Variants in PPP2R2B observed in about 807,000 individuals in gnomAD.
The protein encoded by PPP2R2B is serine/threonine-protein phosphatase 2A 55 kDa regulatory subunit B beta isoform.
Under a neutral mutation model 46.0 loss-of-function variants are expected in PPP2R2B, and 5 were observed. The ratio of observed to expected loss-of-function variants is 0.11; its 90% CI spans 0.06 to 0.23. The LOEUF (loss-of-function observed/expected upper bound fraction) is 0.23. PPP2R2B is among the 10% of genes least tolerant of loss of function. The pLI, the probability that PPP2R2B is intolerant of heterozygous loss-of-function variation, is 1.00. For missense variants in PPP2R2B, 367 were observed against 575.0 expected (o/e 0.64, Z 3.70); for synonymous variants, 215 against 206.7 (o/e 1.04, Z -0.34).
rs144019866 is a variant in PPP2R2B at position 146,752,010 on chromosome 5, A to G, written c.71-50868T>C. Among the ~76,000 whole-genome samples, 1,276 of 152,240 alleles carry G rather than the reference A, an allele frequency of 8.4e-3. 17 individuals are homozygous for G. The highest frequency in any genetic ancestry group is 0.051 in the Middle Eastern group (15 of 294). On this transcript the variant is annotated intron_variant, in intron 2 of 9. Coordinates refer to ENST00000394411, the MANE Select transcript of PPP2R2B (RefSeq NM_181675.4). ...TCATGTGAAACTGCAGGCCTTGGTTAGCACTGTGGCTTTTACCCTCAGTGT... is the reference window on the plus strand; with the variant it reads ...TCATGTGAAACTGCAGGCCTTGGTTGGCACTGTGGCTTTTACCCTCAGTGT...
chr5:146,865,525 G>T (rs766929837), intron 2 of PPP2R2B, among the ~76,000 whole-genome samples: 1 of 151,920 alleles, frequency 6.6e-6, no homozygotes. Flanking sequence ...GTTTTTTAAC[G>T]TATATATTCC....
chr5:147,055,341 T>C (rs1757030678), intron 1 of PPP2R2B, among the ~76,000 whole-genome samples: 1 of 152,240 alleles, frequency 6.6e-6, no homozygotes, highest in Non-Finnish European at 1.5e-5. Context: ...ATTTTTGTTT[T>C]CTTGACACTG....
chr5:146,970,049 T>C (rs1561547587), intron 1 of PPP2R2B, among the ~76,000 whole-genome samples: 1 of 152,242 alleles, frequency 6.6e-6, no homozygotes, highest in South Asian at 2.1e-4. Context: ...CTAAAGTTTC[T>C]GGGCCATTTA....
chr5:146,684,585 C>T (rs12659795), intron 5 of PPP2R2B, among the ~76,000 whole-genome samples: 15,617 of 152,232 alleles, frequency 0.1, 922 homozygotes, highest in East Asian at 0.17. Context: ...TGGCAATGCA[C>T]ATCCTGTATG....
chr5:146,781,513 C>T (rs977749684), intron 2 of PPP2R2B, among the ~76,000 whole-genome samples: 1 of 151,216 alleles, frequency 6.6e-6, no homozygotes, highest in African/African-American at 2.4e-5. Flanking sequence ...CTGTGGTGCT[C>T]AAGCAAGCAT....
At chr5:146,763,772 G>T (rs1163270592) in intron 2 of PPP2R2B, among the ~76,000 whole-genome samples, 2 of 152,160 alleles carry the variant, frequency 1.3e-5, no homozygotes, top group African/African-American at 2.4e-5. Context: ...TCTCAGGCTG[G>T]AATGCACTGG....
chr5:146,991,952 C>A (rs768761306), intron 1 of PPP2R2B, among the ~76,000 whole-genome samples: 1 of 152,096 alleles, frequency 6.6e-6, no homozygotes, highest in East Asian at 1.9e-4. Context: ...CTTGCCAAAG[C>A]AATCTACAGA....
intron 1 of PPP2R2B, among the ~76,000 whole-genome samples, chr5:147,031,913 C>A (rs1755805048): frequency 6.6e-6 from 1 of 152,102 alleles, no homozygotes; most frequent in African/African-American, 2.4e-5. Context: ...GATTAACAAG[C>A]TAAACTGAAG....
chr5:146,974,551 A>T (rs1332993921), intron 1 of PPP2R2B, among the ~76,000 whole-genome samples: 2 of 152,206 alleles, frequency 1.3e-5, no homozygotes, highest in Non-Finnish European at 2.9e-5. Flanking sequence ...CTTCACTGGA[A>T]GAGCTGAGGG....
At position 146,904,994 on chromosome 5, in the gene PPP2R2B, A is replaced by G. The variant is rs545769560; in HGVS notation, c.79+150671T>C. ...AACCTGATAAAAATGGGGGCAAAAT[A>G]TCTGAACAGAAATTTTACCAAAGGA... On this transcript the variant is annotated intron_variant, in intron 1 of 8. Coordinates refer to the PPP2R2B transcript ENST00000336640. Among the ~76,000 whole-genome samples, 7 of 152,386 alleles carry G rather than the reference A, an allele frequency of 4.6e-5. No individual in the cohort carries two copies. The South Asian group carries it at 1.2e-3, about 27-fold the overall frequency.
rs1269324592 is a variant in PPP2R2B at position 146,877,931 on chromosome 5, T to A, written c.70+71A>T. ...GAGTCTCCGCCACTACGCGCCCAGC[T>A]GCCCAGGAAGCACAGTGATCCGCAA... On this transcript the variant is annotated intron_variant, in intron 2 of 9. Coordinates refer to ENST00000394411, the MANE Select transcript of PPP2R2B (RefSeq NM_181675.4). 2.0e-5 allele frequency: 31 copies of A among 1,535,678 alleles called. No individual in the cohort carries two copies. The East Asian group carries it at 6.6e-4, about 33-fold the overall frequency.
At chr5:146,832,402 TTTTTTTG>T in intron 2 of PPP2R2B, among the ~76,000 whole-genome samples, 2 of 141,536 alleles carry the variant, frequency 1.4e-5, no homozygotes, top group Admixed American at 7.0e-5. Context: ...TTTTTTTTTT[TTTTTTTG>T]AGACAGAGTT....
intron 2 of PPP2R2B, among the ~76,000 whole-genome samples, chr5:146,803,218 A>T (rs755192920): frequency 5.9e-5 from 9 of 152,196 alleles, no homozygotes; most frequent in African/African-American, 7.2e-5. Context: ...TCAAATCCCC[A>T]GGCAATTTGT....
chr5:146,792,155 A>G (rs1330061584), intron 2 of PPP2R2B, among the ~76,000 whole-genome samples: 2 of 152,202 alleles, frequency 1.3e-5, no homozygotes, highest in African/African-American at 2.4e-5. Flanking sequence ...TAACATAGCT[A>G]GGCTCTAGAT....
chr5:146,599,240 T>C (rs1311924919), intron 8 of PPP2R2B, among the ~76,000 whole-genome samples: 6 of 152,144 alleles, frequency 3.9e-5, no homozygotes, highest in African/African-American at 1.4e-4. Flanking sequence ...CACCCAACAC[T>C]TAAATCCAAA....
At chr5:146,698,584 T>A (rs1779345158) in intron 3 of PPP2R2B, among the ~76,000 whole-genome samples, 1 of 151,856 alleles carries the variant, frequency 6.6e-6, no homozygotes, top group East Asian at 1.9e-4. Flanking sequence ...AATTGTAGCA[T>A]CTATGACTTT....
rs573568395 is a variant in PPP2R2B at position 146,844,308 on chromosome 5, C to T, written c.70+33694G>A. ...GCATGGCACATGTATACATATGTAA[C>T]TAACCTGCACAATGTGCACATGTAC... is the stretch of plus-strand genomic sequence containing the variant. On this transcript the variant is annotated intron_variant, in intron 2 of 9. Transcript: ENST00000394411. Among the ~76,000 whole-genome samples the T allele has an allele frequency of 2.7e-5, 4 of 149,410 alleles. No homozygotes were observed. In the South Asian group the frequency reaches 8.6e-4, roughly 32 times the overall value.
At chr5:146,825,241 A>G (rs1038856219) in intron 2 of PPP2R2B, among the ~76,000 whole-genome samples, 1 of 152,180 alleles carries the variant, frequency 6.6e-6, no homozygotes, top group East Asian at 1.9e-4. Flanking sequence ...TGAGCTGTCC[A>G]TGGTGCTGGG....
At chr5:147,026,451 G>A (rs185702349) in intron 1 of PPP2R2B, among the ~76,000 whole-genome samples, 34 of 152,180 alleles carry the variant, frequency 2.2e-4, no homozygotes, top group Admixed American at 2.0e-3. Context: ...TAGGGAAAGG[G>A]ATGGATTACA....
Sources: gnomAD v4.1 joint callset for allele counts (sites outside exome capture counted in the v4.1 genomes callset) on GRCh38, gnomAD v4.1.1 for gene constraint, MANE v1.5 for transcripts, NCBI Gene and HGNC (gene_info 2026-07-23, HGNC 2026-07-21) for gene names.